The following SLC9A1 variants were observed in gnomAD, a reference collection of about 807,000 sequenced individuals.
The protein encoded by SLC9A1 is sodium/hydrogen exchanger 1.
A neutral mutation model predicts 67.9 loss-of-function variants in SLC9A1; 22 were observed. That is an observed-to-expected ratio of 0.32 (90% CI 0.23 to 0.46). The LOEUF (loss-of-function observed/expected upper bound fraction) is 0.46. SLC9A1 is among the 20% of genes least tolerant of loss of function. The pLI, the probability that SLC9A1 is intolerant of heterozygous loss-of-function variation, is 1.00. For synonymous variants in SLC9A1, 421 were observed against 471.8 expected (o/e 0.89, Z 1.40); for missense variants, 686 against 1,094.8 (o/e 0.63, Z 5.27).
Position 27,107,817 on chromosome 1 carries a change from G to A in SLC9A1, c.1113C>T (p.Ile371=). ...VVMRPYVEAN[I]SHKSHTTIKY... ...TGATGGTGGTGTGGGACTTGTGGGA[G>A]ATGTTGGCCTCCACATAGGGGCGCA... Residue 371 remains isoleucine (I), a synonymous_variant, in exon 4 of 12, where the codon ATC becomes ATT. Transcript: ENST00000263980. The A allele has an allele frequency of 6.2e-7, 1 of 1,609,946 alleles. No individual in the cohort carries two copies.
chr1:27,144,581 C>G (rs553647199), intron 1 of SLC9A1, among the ~76,000 whole-genome samples: 2 of 152,264 alleles, frequency 1.3e-5, no homozygotes, highest in Admixed American at 6.5e-5. Context: ...CCTCTCTGAG[C>G]AGTCAAACTG....
At chr1:27,107,498 T>A in intron 4 of SLC9A1, 150 bp downstream of exon 4, 2 of 642,692 alleles carry the variant, frequency 3.1e-6, no homozygotes, top group Non-Finnish European at 5.5e-6. Flanking sequence ...CTCCACACAA[T>A]ACTTATACAC....
chr1:27,135,472 T>C (rs1388640888), intron 1 of SLC9A1, among the ~76,000 whole-genome samples: 1 of 151,388 alleles, frequency 6.6e-6, no homozygotes, highest in Non-Finnish European at 1.5e-5. Flanking sequence ...ATTTTTCTTC[T>C]TTATATACTT....
chr1:27,138,054 A>T (rs2083430614), intron 1 of SLC9A1, among the ~76,000 whole-genome samples: 1 of 152,160 alleles, frequency 6.6e-6, no homozygotes, highest in East Asian at 1.9e-4. Context: ...AGCCGACTCT[A>T]TCGCACTCCC....
chr1:27,105,703 C>T (rs920230886), intron 5 of SLC9A1, 182 bp downstream of exon 5: 12 of 718,544 alleles, frequency 1.7e-5, no homozygotes, highest in African/African-American at 3.5e-5. Context: ...TCACAATTCT[C>T]ACTTTACGAT....
chr1:27,111,432 TCA>T (rs2083227153), intron 2 of SLC9A1, among the ~76,000 whole-genome samples: 1 of 152,186 alleles, frequency 6.6e-6, no homozygotes, highest in African/African-American at 2.4e-5. Context: ...TCTCCGTTCC[TCA>T]GTTTCCTCAT....
At chr1:27,153,928 G>T in intron 1 of SLC9A1, 55 bp downstream of exon 1, 2 of 1,226,402 alleles carry the variant, frequency 1.6e-6, no homozygotes, top group Non-Finnish European at 2.3e-6. Context: ...GCGAGATGAG[G>T]CAAGAAGCTC....
At chr1:27,134,752 G>C (rs1318925360) in intron 1 of SLC9A1, among the ~76,000 whole-genome samples, 1 of 152,190 alleles carries the variant, frequency 6.6e-6, no homozygotes, top group Non-Finnish European at 1.5e-5. Flanking sequence ...GATTTTGTTT[G>C]TTTCAAGAGC....
chr1:27,109,875 A>G lies in SLC9A1; in HGVS notation c.814-98T>C. On this transcript the variant is annotated intron_variant, in intron 2 of 11. Coordinates refer to ENST00000263980, the MANE Select transcript of SLC9A1 (RefSeq NM_003047.5). The surrounding 1 kb of genome is among the most constrained non-coding windows in gnomAD (Gnocchi z 5.5). ...GGCAATCCTGTCCCCTCCGTTAACC[A>G]TGGCCACAAGAAGAGGCCACACGGT... 7.1e-7 allele frequency: 1 copy of G among 1,408,792 alleles called. No individual in the cohort carries two copies. The highest frequency in any genetic ancestry group is 9.8e-7 in the Non-Finnish European group (1 of 1,021,314). 87.3% of individuals were successfully genotyped at this position (1,408,792 alleles called of 1,614,324 possible).
chr1:27,150,521 T>C (rs956168737), intron 1 of SLC9A1, among the ~76,000 whole-genome samples: 3 of 152,006 alleles, frequency 2.0e-5, no homozygotes, highest in African/African-American at 7.3e-5. Flanking sequence ...TCATGCGGGG[T>C]CCACAGCACA....
intron 1 of SLC9A1, among the ~76,000 whole-genome samples, chr1:27,146,916 G>A (rs1200006165): frequency 2.0e-5 from 3 of 151,996 alleles, no homozygotes; most frequent in East Asian, 1.9e-4. Context: ...CGGGCAGATC[G>A]CCTGAGGTCA....
chr1:27,123,928 G>A (rs2083323210), intron 1 of SLC9A1, among the ~76,000 whole-genome samples: 2 of 152,172 alleles, frequency 1.3e-5, no homozygotes, highest in South Asian at 4.1e-4. Context: ...CCGGGTTCAA[G>A]CGATTCTCCT....
chr1:27,154,603 G>C lies in SLC9A1; in HGVS notation c.-269C>G. 4.9e-6 allele frequency: 2 copies of C among 405,382 alleles called. No homozygotes were observed. Among genetic ancestry groups the C allele is most frequent in the Non-Finnish European group, 8.9e-6 (2 of 224,830 alleles). The allele number at this position is 405,382 out of a possible 1,614,324, so 25.1% of individuals were successfully genotyped here. A position where few individuals can be genotyped will look rare whatever the true frequency, so the allele number is the denominator to read the frequency against. On this transcript the variant is annotated 5_prime_UTR_variant, in exon 1 of 12. Coordinates refer to ENST00000263980, the MANE Select transcript of SLC9A1 (RefSeq NM_003047.5). ...AGGTCTGGAACTCCGGGCCTGGGAAGGGGGAGGACGGATGTGGGAAACTGA... is the reference window on the plus strand; with the variant it reads ...AGGTCTGGAACTCCGGGCCTGGGAACGGGGAGGACGGATGTGGGAAACTGA...
chr1:27,151,716 G>A (rs1570891762), intron 1 of SLC9A1, among the ~76,000 whole-genome samples: 1 of 152,298 alleles, frequency 6.6e-6, no homozygotes. Context: ...CTGCTAAGTG[G>A]CAGAGTGGTG....
Position 27,101,388 on chromosome 1 carries a change from C to G in SLC9A1, c.2038-113G>C. 1.2e-6 allele frequency: 1 copy of G among 806,778 alleles called. No homozygotes were observed. The highest frequency in any genetic ancestry group is 2.0e-6 in the Non-Finnish European group (1 of 491,136). 50.0% of individuals were successfully genotyped at this position (806,778 alleles called of 1,614,324 possible). On this transcript the variant is annotated intron_variant, in intron 10 of 11. Coordinates refer to ENST00000263980, the MANE Select transcript of SLC9A1 (RefSeq NM_003047.5). This position sits in a 1 kb window ranked among gnomAD's most constrained non-coding sequence, Gnocchi z 4.9. Reference sequence around the variant, plus strand: ...TTCGTATATGCAGGGCGCTTGCTCCCCCTCCCTTGTGCCTGTGTGGGCACC... The same window carrying G: ...TTCGTATATGCAGGGCGCTTGCTCCGCCTCCCTTGTGCCTGTGTGGGCACC...
chr1:27,100,693 C>T lies in SLC9A1; in HGVS notation c.2111-49G>A, dbSNP rs376446353. 13 of 1,489,648 alleles carry T rather than the reference C, an allele frequency of 8.7e-6. No homozygotes were observed. The South Asian group carries it at 1.1e-4, about 13-fold the overall frequency. 92.3% of individuals were successfully genotyped at this position (1,489,648 alleles called of 1,614,324 possible). On this transcript the variant is annotated intron_variant, in intron 11 of 11. Transcript: ENST00000263980. This position sits in a 1 kb window ranked among gnomAD's most constrained non-coding sequence, Gnocchi z 5.6. ...AGCTGGGTTCCGCTCTGGAGCCCGG[C>T]CCAGCACGTGCCACTCGGCCGCGTC...
intron 1 of SLC9A1, among the ~76,000 whole-genome samples, chr1:27,133,765 A>ATTT: frequency 7.2e-6 from 1 of 138,574 alleles, no homozygotes; most frequent in Admixed American, 7.2e-5. Context: ...AGCCCTGGTA[A>ATTT]TTTTTTTTTT....
chr1:27,131,947 A>AAAAAAAAAATAT, intron 1 of SLC9A1, among the ~76,000 whole-genome samples: 63 of 52,110 alleles, frequency 1.2e-3, no homozygotes, highest in Admixed American at 1.8e-3. Context: ...AGAAAAAAAA[A>AAAAAAAAAATAT]ATATATATAT....
intron 1 of SLC9A1, among the ~76,000 whole-genome samples, chr1:27,147,314 A>AAAAAAAAG (rs1325075796): frequency 6.7e-6 from 1 of 149,652 alleles, no homozygotes; most frequent in Non-Finnish European, 1.5e-5. Flanking sequence ...AAAAAAAAAA[A>AAAAAAAAG]AAAAAAAGAA....
Sources: gnomAD v4.1 joint callset for allele counts (sites outside exome capture counted in the v4.1 genomes callset) on GRCh38, gnomAD v4.1.1 for gene constraint, Gnocchi (gnomAD v3.1) non-coding constraint, MANE v1.5 for transcripts, NCBI Gene and HGNC (gene_info 2026-07-23, HGNC 2026-07-21) for gene names.